Variants in RNF220 observed in about 807,000 individuals in gnomAD.
RNF220 encodes the protein E3 ubiquitin-protein ligase RNF220.
Under a neutral mutation model 67.1 loss-of-function variants are expected in RNF220, and 7 were observed. The ratio of observed to expected loss-of-function variants is 0.10; its 90% CI spans 0.06 to 0.20. The LOEUF (loss-of-function observed/expected upper bound fraction) is 0.20. Ranked by LOEUF, RNF220 falls within the 10% of genes least tolerant of loss-of-function variation. The pLI is 1.00. For missense variants in RNF220, 565 were observed against 740.3 expected (o/e 0.76, Z 2.75); for synonymous variants, 270 against 283.2 (o/e 0.95, Z 0.47).
At chr1:44,592,376 T>A (rs1196025019) in intron 2 of RNF220, among the ~76,000 whole-genome samples, 2 of 152,114 alleles carry the variant, frequency 1.3e-5, no homozygotes, top group East Asian at 3.9e-4. Flanking sequence ...CAGCTGCCCC[T>A]CTGTCTCAGG....
Position 44,650,692 on chromosome 1 carries a change from T to TTCTCCCTGC in RNF220, c.1630-11_1630-3dup. The TTCTCCCTGC allele has an allele frequency of 6.2e-7, 1 of 1,613,398 alleles. No individual in the cohort carries two copies. Among genetic ancestry groups the TTCTCCCTGC allele is most frequent in the Non-Finnish European group, 8.5e-7 (1 of 1,179,668 alleles). ...ATTGTGTAGACCAGAGCCCTCCCTG[T>TTCTCCCTGC]TCTCCCTGCAGGGTGCCAAGAAGCT... On this transcript the variant is annotated splice_polypyrimidine_tract_variant and intron_variant, in intron 14 of 14. Coordinates refer to ENST00000361799, the MANE Select transcript of RNF220 (RefSeq NM_018150.4). This position sits in a 1 kb window ranked among gnomAD's most constrained non-coding sequence, Gnocchi z 4.3.
At chr1:44,507,517 C>G (rs1242124745) in intron 2 of RNF220, among the ~76,000 whole-genome samples, 1 of 151,734 alleles carries the variant, frequency 6.6e-6, no homozygotes, top group East Asian at 1.9e-4. Context: ...CTCGTCAGTC[C>G]TGGGGTTGGT....
chr1:44,457,188 C>T (rs1032675862), intron 2 of RNF220, among the ~76,000 whole-genome samples: 2 of 151,966 alleles, frequency 1.3e-5, no homozygotes, highest in African/African-American at 2.4e-5. Context: ...CCCTTGAACA[C>T]TAAACAAATG....
At chr1:44,409,159 A>G (rs1487850750) in intron 1 of RNF220, among the ~76,000 whole-genome samples, 2 of 150,026 alleles carry the variant, frequency 1.3e-5, no homozygotes, top group African/African-American at 5.1e-5. Flanking sequence ...GCGTTTTGCA[A>G]TCACTTTAAA....
intron 2 of RNF220, among the ~76,000 whole-genome samples, chr1:44,545,019 G>C (rs1662005899): frequency 6.6e-6 from 1 of 152,238 alleles, no homozygotes; most frequent in African/African-American, 2.4e-5. Context: ...CCTGGGAATA[G>C]AGCCACAAAC....
At chr1:44,450,911 T>C (rs1652602708) in intron 2 of RNF220, among the ~76,000 whole-genome samples, 1 of 152,080 alleles carries the variant, frequency 6.6e-6, no homozygotes, top group Non-Finnish European at 1.5e-5. Context: ...TGGCCCCACG[T>C]GGTGGCTCAC....
At chr1:44,449,873 T>C (rs777751653) in intron 2 of RNF220, among the ~76,000 whole-genome samples, 44 of 152,196 alleles carry the variant, frequency 2.9e-4, no homozygotes, top group Non-Finnish European at 5.4e-4. Context: ...CCTGCAGACT[T>C]CAGATGATCC....
intron 8 of RNF220, chr1:44,643,365 G>A (rs373615700): frequency 1.1e-4 from 16 of 152,270 alleles, no homozygotes; most frequent in African/African-American, 3.9e-4. Flanking sequence ...TTGGTGAGCA[G>A]CCTGTGTGTG....
intron 2 of RNF220, among the ~76,000 whole-genome samples, chr1:44,413,066 G>A (rs76638263): frequency 0.05 from 7,579 of 152,132 alleles, 266 homozygotes; most frequent in Non-Finnish European, 0.075. Context: ...AGGGAATTTG[G>A]GGGGCCTAAA....
chr1:44,520,118 T>TG, intron 2 of RNF220, among the ~76,000 whole-genome samples: 1 of 141,434 alleles, frequency 7.1e-6, no homozygotes, highest in African/African-American at 2.7e-5. Context: ...TGTGTGTGTG[T>TG]GTGTGTGTGT....
Position 44,632,400 on chromosome 1 carries a change from G to GCCCCCACCCCCC in RNF220, c.949+19_949+20insCACCCCCCCCCC. The GCCCCCACCCCCC allele has an allele frequency of 6.2e-7, 1 of 1,607,452 alleles. No individual in the cohort carries two copies. ...CCGACTGAATGGTGAGTCCTGCCCG[G>GCCCCCACCCCCC]CCCCTCCCTCCGCCCCACCCCCGGC... On this transcript the variant is annotated intron_variant, in intron 6 of 14. Transcript: ENST00000361799.
chr1:44,449,277 ACAGT>A (rs1652422122), intron 2 of RNF220, among the ~76,000 whole-genome samples: 1 of 152,244 alleles, frequency 6.6e-6, no homozygotes, highest in African/African-American at 2.4e-5. Flanking sequence ...ATACCTGCAC[ACAGT>A]CAGTAATCAT....
Position 44,651,062 on chromosome 1 carries a change from AG to A in RNF220, c.*288del, listed in dbSNP as rs879316920. 2.6e-4 allele frequency: 117 copies of A among 453,410 alleles called. No homozygotes were observed. The highest frequency in any genetic ancestry group is 2.2e-3 in the African/African-American group (112 of 50,372). 28.1% of individuals were successfully genotyped at this position (453,410 alleles called of 1,614,324 possible). ...GCAGGGAGGTGGGGGTTGGGGGAGT[AG>A]TGGGGCACGGCTCCTAAGATCCAGC... On this transcript the variant is annotated 3_prime_UTR_variant, in exon 15 of 15. Coordinates refer to ENST00000361799, the MANE Select transcript of RNF220 (RefSeq NM_018150.4).
intron 8 of RNF220, 187 bp downstream of exon 8, chr1:44,636,349 T>A (rs757664870): frequency 4.3e-4 from 340 of 783,868 alleles, no homozygotes; most frequent in Middle Eastern, 6.6e-4. Context: ...TTAAAATGGA[T>A]GTATTTGGGT....
intron 2 of RNF220, chr1:44,419,250 A>T (rs757537278): frequency 6.6e-6 from 1 of 152,222 alleles, no homozygotes; most frequent in Non-Finnish European, 1.5e-5. Flanking sequence ...TATCCTTTGT[A>T]ACTTCACATG....
chr1:44,430,625 A>C (rs1650260308), intron 2 of RNF220, among the ~76,000 whole-genome samples: 1 of 152,078 alleles, frequency 6.6e-6, no homozygotes. Context: ...GGCTCACTGC[A>C]ACCTCCGCCT....
chr1:44,569,846 C>T (rs965417543), intron 2 of RNF220, among the ~76,000 whole-genome samples: 6 of 152,164 alleles, frequency 3.9e-5, no homozygotes, highest in African/African-American at 9.7e-5. Flanking sequence ...TTTGTTTAGA[C>T]GCCCTCTACC....
intron 2 of RNF220, among the ~76,000 whole-genome samples, chr1:44,548,942 G>A (rs1173659752): frequency 2.6e-5 from 4 of 152,138 alleles, no homozygotes; most frequent in Non-Finnish European, 5.9e-5. Context: ...GCTTATGCTT[G>A]TAATCCCAGC....
At chr1:44,475,219 T>G (rs1655185932) in intron 2 of RNF220, among the ~76,000 whole-genome samples, 1 of 152,174 alleles carries the variant, frequency 6.6e-6, no homozygotes, top group Non-Finnish European at 1.5e-5. Flanking sequence ...GACACATACC[T>G]TTGGCCCTAC....
Sources: gnomAD v4.1 joint callset for allele counts (sites outside exome capture counted in the v4.1 genomes callset) on GRCh38, gnomAD v4.1.1 for gene constraint, Gnocchi (gnomAD v3.1) non-coding constraint, MANE v1.5 for transcripts, NCBI Gene and HGNC (gene_info 2026-07-23, HGNC 2026-07-21) for gene names.